KIF9: variants seen among roughly 807,000 people sequenced by gnomAD.
The protein encoded by KIF9 is kinesin family member 9, also known as kinesin-like protein KIF9.
Under a neutral mutation model 94.8 loss-of-function variants are expected in KIF9, and 68 were observed. The observed-to-expected ratio is 0.72, with a 90% CI of 0.59 to 0.88. The LOEUF (loss-of-function observed/expected upper bound fraction) is 0.88, where lower values mean the gene tolerates loss of function less well. Ranked by LOEUF, KIF9 falls within the 40% of genes least tolerant of loss-of-function variation. The probability of loss-of-function intolerance (pLI) is 0.00; values close to 1 mark genes in which losing one functional copy is unlikely to be tolerated. For missense variants in KIF9, 882 were observed against 982.5 expected, an observed-to-expected ratio of 0.90 and a Z score of 1.37; for synonymous variants, 343 against 362.1, an observed-to-expected ratio of 0.95 and a Z score of 0.60.
intron 14 of KIF9, 26 bp from the exon 15 acceptor site, chr3:47,244,950 CTG>C: frequency 6.2e-7 from 1 of 1,613,388 alleles, no homozygotes; most frequent in Non-Finnish European, 8.5e-7. Context: ...AGCCAAAGGT[CTG>C]TGAGTTAGAT....
At chr3:47,244,521 C>T (rs537430393) in intron 15 of KIF9, 2 of 394,022 alleles carry the variant, frequency 5.1e-6, no homozygotes, top group Non-Finnish European at 9.3e-6. Flanking sequence ...AGTGACTTCC[C>T]CTCTCTAAGC....
chr3:47,250,675 C>G (rs1700217815), intron 10 of KIF9: 1 of 355,228 alleles, frequency 2.8e-6, no homozygotes, highest in Admixed American at 2.6e-5. Context: ...ATTTTATACT[C>G]GATATACCAT....
chr3:47,247,806 C>T (rs1464598382), intron 11 of KIF9, among the ~76,000 whole-genome samples: 1 of 152,194 alleles, frequency 6.6e-6, no homozygotes. Flanking sequence ...GCTGCCTCTG[C>T]CTCGAGGCCC....
At chr3:47,232,642 G>A in intron 20 of KIF9, among the ~76,000 whole-genome samples, 2 of 151,896 alleles carry the variant, frequency 1.3e-5, no homozygotes, top group Non-Finnish European at 1.5e-5. Flanking sequence ...CAGCCTAAAT[G>A]GACTAAGCTT....
Position 47,228,752 on chromosome 3 carries a change from T to C in KIF9, c.2323-50A>G, listed in dbSNP as rs771713314. The stretch of plus-strand genomic sequence containing the variant: ...AGGAACTTATTAGGAGGGACAGACA[T>C]AGCAGGGACTCAGACCAGGCCACTC... On this transcript the variant is annotated intron_variant, in intron 20 of 20. Transcript: ENST00000684063. 18 of 1,475,440 alleles carry C rather than the reference T, an allele frequency of 1.2e-5. No homozygotes were observed. The Admixed American group carries it at 1.7e-4, about 14-fold the overall frequency. 91.4% of individuals were successfully genotyped at this position (1,475,440 alleles called of 1,614,324 possible).
chr3:47,272,881 G>C (rs1393818828), intron 4 of KIF9, among the ~76,000 whole-genome samples: 1 of 152,180 alleles, frequency 6.6e-6, no homozygotes, highest in Admixed American at 6.5e-5. Context: ...CTAGAGGAAT[G>C]TATACACTTC....
In KIF9 at chr3:47,235,448, TATG is replaced by T; in HGVS notation, c.2322+62_2322+64del. 5 of 1,110,966 alleles carry T rather than the reference TATG, an allele frequency of 4.5e-6. No individual in the cohort carries two copies. In the Admixed American group the frequency reaches 8.5e-5, roughly 19 times the overall value. The allele number at this position is 1,110,966 out of a possible 1,614,324, so 68.8% of individuals were successfully genotyped here. Reference sequence around the variant, plus strand: ...TCCCCTACCTCTCTAAAGTAGGGAATATGATCCTGGGTTTCCTAGTCACTGAGG... The same window carrying T: ...TCCCCTACCTCTCTAAAGTAGGGAATATCCTGGGTTTCCTAGTCACTGAGG... On this transcript the variant is annotated intron_variant, in intron 20 of 20. Transcript: ENST00000684063.
Position 47,277,335 on chromosome 3 carries a change from T to C in KIF9, c.40A>G (p.Lys14Glu), listed in dbSNP as rs143598639. The C allele has an allele frequency of 3.1e-5, 50 of 1,614,006 alleles. No individual in the cohort carries two copies. The highest frequency in any genetic ancestry group is 6.7e-5 in the Admixed American group (4 of 59,990). ...TCATGAGCAAAGTCATCGGTGGGTT[T>C]GACACGGACAAATGCATGAACTTTT... ...RKKVHAFVRV[K>E]PTDDFAHEMI... The change falls in exon 2 of 21, where the codon AAA (lysine) becomes GAA (glutamate). Residue 14 changes from lysine to glutamate, a missense_variant. Physicochemically the swap from Lys to Glu is moderately conservative, Grantham distance 56. Coordinates refer to ENST00000684063, the MANE Select transcript of KIF9 (RefSeq NM_182902.4).
intron 20 of KIF9, among the ~76,000 whole-genome samples, chr3:47,234,140 T>TGGGGTGTCCTGTCAGAA (rs1178798659): frequency 2.0e-5 from 3 of 151,562 alleles, no homozygotes; most frequent in Non-Finnish European, 4.4e-5. Flanking sequence ...AAACAAGTGA[T>TGGGGTGTCCTGTCAGAA]GGGGTGTCCT....
At chr3:47,273,037 C>T (rs557897958) in intron 4 of KIF9, among the ~76,000 whole-genome samples, 1 of 152,318 alleles carries the variant, frequency 6.6e-6, no homozygotes, top group South Asian at 2.1e-4. Context: ...AAGGAAGGCC[C>T]TTCTGTCTTA....
At chr3:47,282,149 G>C (rs1702413848) in intron 1 of KIF9, 3 of 973,190 alleles carry the variant, frequency 3.1e-6, no homozygotes, top group African/African-American at 1.8e-5. Context: ...CCTGTAACAC[G>C]AAGGGCTCCG....
At chr3:47,228,951 C>T (rs937543306) in intron 20 of KIF9, among the ~76,000 whole-genome samples, 1 of 152,106 alleles carries the variant, frequency 6.6e-6, no homozygotes, top group African/African-American at 2.4e-5. Context: ...TGAAAGGAGG[C>T]ATATAGGTTT....
At chr3:47,256,401 C>G (rs970350944) in intron 10 of KIF9, among the ~76,000 whole-genome samples, 6 of 149,530 alleles carry the variant, frequency 4.0e-5, no homozygotes, top group African/African-American at 5.0e-5. Flanking sequence ...GGAGCCCCTC[C>G]GCCCGGCAGC....
At chr3:47,246,378 C>A in intron 12 of KIF9, 126 bp from the exon 13 acceptor site, 1 of 554,686 alleles carries the variant, frequency 1.8e-6, no homozygotes, top group South Asian at 4.0e-5. Flanking sequence ...GAGAAGAGGA[C>A]GTGTGCACAC....
intron 1 of KIF9, among the ~76,000 whole-genome samples, chr3:47,277,705 A>G (rs1011175166): frequency 6.6e-6 from 1 of 152,228 alleles, no homozygotes; most frequent in Non-Finnish European, 1.5e-5. Context: ...TTCTGCAACT[A>G]AGATGATGAG....
chr3:47,267,305 A>G (rs1266851832), intron 5 of KIF9, 42 bp from the exon 6 acceptor site: 2 of 1,399,612 alleles, frequency 1.4e-6, no homozygotes, highest in African/African-American at 1.4e-5. Flanking sequence ...CGAAAAACTA[A>G]AACGACAAGG....
chr3:47,267,203 AGT>A lies in KIF9; in HGVS notation c.650_651del (p.His217LeufsTer25), dbSNP rs776632504. On this transcript the variant is annotated frameshift_variant, in exon 6 of 21. Transcript: ENST00000684063. LOFTEE classifies it high-confidence loss of function. ...HTMNKNSSRS[H>X]CIFTIYLEAH... ...ACCTCTAAGTAGATGGTGAAAATGC[AGT>A]GTGATCTGGAAGAGTTTTTGTTCAT... 1 of 1,612,390 alleles carries A rather than the reference AGT, an allele frequency of 6.2e-7. No homozygotes were observed. The highest frequency in any genetic ancestry group is 8.5e-7 in the Non-Finnish European group (1 of 1,178,932).
At chr3:47,254,859 T>A (rs1438310058) in intron 10 of KIF9, among the ~76,000 whole-genome samples, 1 of 152,078 alleles carries the variant, frequency 6.6e-6, no homozygotes, top group Non-Finnish European at 1.5e-5. Context: ...AAAAAGGGCA[T>A]CTTCAGGCCC....
chr3:47,281,739 A>G (rs1162150375), intron 1 of KIF9, among the ~76,000 whole-genome samples: 4 of 152,214 alleles, frequency 2.6e-5, no homozygotes, highest in African/African-American at 4.8e-5. Flanking sequence ...AAGTCTCTGA[A>G]TGGCCACCAG....
Sources: gnomAD v4.1 joint callset for allele counts (sites outside exome capture counted in the v4.1 genomes callset) on GRCh38, gnomAD v4.1.1 for gene constraint, MANE v1.5 for transcripts, NCBI Gene and HGNC (gene_info 2026-07-23, HGNC 2026-07-21) for gene names.